Variants in TXLNB observed in about 807,000 individuals in gnomAD.
The protein encoded by TXLNB is beta-taxilin.
Under a neutral mutation model 57.4 loss-of-function variants are expected in TXLNB, and 37 were observed. The ratio of observed to expected loss-of-function variants is 0.64; its 90% CI spans 0.50 to 0.85. The LOEUF is 0.85. Ranked by LOEUF, TXLNB falls within the 40% of genes least tolerant of loss-of-function variation. TXLNB has a pLI of 0.00. For missense variants in TXLNB, 848 were observed against 825.6 expected (o/e 1.03, Z -0.33); for synonymous variants, 302 against 309.6 (o/e 0.98, Z 0.26).
the TXLNB span, among the ~76,000 whole-genome samples, chr6:139,168,403 A>G: frequency 7.2e-6 from 1 of 138,478 alleles, no homozygotes; most frequent in South Asian, 2.2e-4. Flanking sequence ...ATTAGGGTTA[A>G]TTGATTATTT....
At chr6:139,221,130 T>C in the TXLNB span, among the ~76,000 whole-genome samples, 5 of 152,188 alleles carry the variant, frequency 3.3e-5, no homozygotes, top group African/African-American at 7.2e-5. Context: ...GGGACTGGTT[T>C]TCCCCTTGAA....
At chr6:139,245,286 G>A (rs1776042604) in intron 8 of TXLNB, among the ~76,000 whole-genome samples, 1 of 152,202 alleles carries the variant, frequency 6.6e-6, no homozygotes, top group Non-Finnish European at 1.5e-5. Flanking sequence ...CGGAGAGGTA[G>A]AGTAATATTT....
downstream of TXLNB, among the ~76,000 whole-genome samples, chr6:139,235,777 G>C (rs188096826): frequency 6.6e-6 from 1 of 151,938 alleles, no homozygotes; most frequent in African/African-American, 2.4e-5. Flanking sequence ...AAGACCATCC[G>C]GGCCCGCCAC....
At chr6:139,196,972 C>T in the TXLNB span, among the ~76,000 whole-genome samples, 6 of 152,284 alleles carry the variant, frequency 3.9e-5, no homozygotes, top group South Asian at 1.2e-3. Flanking sequence ...AATCTTGATT[C>T]TGTCTGCAAT....
chr6:139,265,169 A>G (rs1327075140), intron 4 of TXLNB, among the ~76,000 whole-genome samples: 1 of 152,184 alleles, frequency 6.6e-6, no homozygotes, highest in East Asian at 1.9e-4. Context: ...CAGACATATG[A>G]GTAGCTTGGA....
At chr6:139,174,608 A>G in the TXLNB span, 6 of 1,558,862 alleles carry the variant, frequency 3.8e-6, no homozygotes, top group African/African-American at 6.8e-5. Flanking sequence ...AATGTAGGGA[A>G]GATGCGTCTG....
At chr6:139,281,118 ATT>A (rs1239078223) in intron 2 of TXLNB, among the ~76,000 whole-genome samples, 4 of 151,934 alleles carry the variant, frequency 2.6e-5, no homozygotes, top group African/African-American at 9.7e-5. Context: ...TCTGGCTTTA[ATT>A]TCCCTGTCTA....
At chr6:139,188,019 A>C in the TXLNB span, among the ~76,000 whole-genome samples, 138 of 152,272 alleles carry the variant, frequency 9.1e-4, 1 homozygote, top group African/African-American at 3.1e-3. Flanking sequence ...CTCAACACTT[A>C]TTTTACCGAT....
In TXLNB at chr6:139,240,232, T is replaced by G. The variant is rs749849822; in HGVS notation, c.*2294A>C. The stretch of plus-strand genomic sequence containing the variant: ...TTTAGAACTTTATGAGTTATTGTTA[T>G]AATTAGTAAGGCTAAATTTTAACAC... On this transcript the variant is annotated 3_prime_UTR_variant, in exon 10 of 10. Transcript: ENST00000358430. The G allele has an allele frequency of 1.3e-5, 2 of 152,668 alleles. No homozygotes were observed. The highest frequency in any genetic ancestry group is 2.9e-5 in the Non-Finnish European group (2 of 68,044). The allele number at this position is 152,668 out of a possible 1,614,324, so 9.5% of individuals were successfully genotyped here. A position where few individuals can be genotyped will look rare whatever the true frequency, so the allele number is the denominator to read the frequency against.
At chr6:139,283,958 C>T (rs1343220516) in intron 2 of TXLNB, among the ~76,000 whole-genome samples, 1 of 145,386 alleles carries the variant, frequency 6.9e-6, no homozygotes, top group Non-Finnish European at 1.5e-5. Context: ...AAAAGGAGAC[C>T]ACAGCCAGAT....
chr6:139,197,772 G>A, the TXLNB span: 3 of 152,144 alleles, frequency 2.0e-5, no homozygotes, highest in Admixed American at 2.0e-4. Context: ...CTAAGGTTAA[G>A]GCTCCAGCAA....
At chr6:139,272,368 C>T (rs887514978) in intron 3 of TXLNB, among the ~76,000 whole-genome samples, 1 of 152,040 alleles carries the variant, frequency 6.6e-6, no homozygotes, top group Non-Finnish European at 1.5e-5. Flanking sequence ...AGATGAACAC[C>T]TGTCACACTT....
At chr6:139,210,744 G>T in the TXLNB span, among the ~76,000 whole-genome samples, 1 of 152,234 alleles carries the variant, frequency 6.6e-6, no homozygotes, top group Non-Finnish European at 1.5e-5. Context: ...AAAGAAAGGG[G>T]TGACAGATGG....
At chr6:139,277,095 C>T in intron 2 of TXLNB, 174 bp from the exon 3 acceptor site, 1 of 547,542 alleles carries the variant, frequency 1.8e-6, no homozygotes, top group Non-Finnish European at 3.2e-6. Flanking sequence ...ACAGAGTGAA[C>T]ATTAGTTGGG....
the TXLNB span, among the ~76,000 whole-genome samples, chr6:139,223,521 G>C: frequency 3.3e-5 from 5 of 151,936 alleles, no homozygotes; most frequent in Non-Finnish European, 7.4e-5. Context: ...CTACAAAATG[G>C]GAGAAAATTT....
At chr6:139,201,047 ACCCAACCCACCAAC>A in the TXLNB span, among the ~76,000 whole-genome samples, 1 of 152,016 alleles carries the variant, frequency 6.6e-6, no homozygotes, top group Non-Finnish European at 1.5e-5. Flanking sequence ...TTCTCTTTAA[ACCCAACCCACCAAC>A]CCCTCTTCCT....
chr6:139,242,738 G>C lies in TXLNB; in HGVS notation c.1843C>G (p.Pro615Ala). 6.2e-7 allele frequency: 1 copy of C among 1,613,112 alleles called. No individual in the cohort carries two copies. Residue 615 changes from proline to alanine, a missense_variant, in exon 10 of 10, where the codon CCA becomes GCA. Coordinates refer to ENST00000358430, the MANE Select transcript of TXLNB (RefSeq NM_153235.4). The part of the protein sequence containing the change: ...KPEAEASGQA[P>A]QAPTEASLQK... ...AGGGAGGCCTCGGTGGGAGCCTGTG[G>C]GGCCTGACCGGAAGCTTCTGCCTCT...
At chr6:139,159,168 G>T in the TXLNB span, 1 of 152,150 alleles carries the variant, frequency 6.6e-6, no homozygotes, top group Non-Finnish European at 1.5e-5. Flanking sequence ...TAGGTGATTT[G>T]CCAAAGGTCT....
At chr6:139,196,364 G>GTTTTTTTTTTTTTTTTTT in the TXLNB span, among the ~76,000 whole-genome samples, 8 of 86,770 alleles carry the variant, frequency 9.2e-5, 4 homozygotes, top group Non-Finnish European at 4.5e-5. Context: ...CTCCAGATCT[G>GTTTTTTTTTTTTTTTTTT]GTTTTTTTTT....
Sources: gnomAD v4.1 joint callset for allele counts (sites outside exome capture counted in the v4.1 genomes callset) on GRCh38, gnomAD v4.1.1 for gene constraint, MANE v1.5 for transcripts, NCBI Gene and HGNC (gene_info 2026-07-23, HGNC 2026-07-21) for gene names.